Variants in KLF16 observed in about 807,000 individuals in gnomAD.
The protein encoded by KLF16 is Krueppel-like factor 16.
KLF16 carries 6 observed loss-of-function variants against 6.1 expected under a neutral mutation model. The observed-to-expected ratio is 0.98, with a 90% CI of 0.54 to 1.93. KLF16 has a LOEUF of 1.93. Ranked by LOEUF, KLF16 falls within the 30% of genes most tolerant of loss-of-function variation. The probability of loss-of-function intolerance (pLI) is 0.01; values close to 1 mark genes in which losing one functional copy is unlikely to be tolerated. For synonymous variants in KLF16, 211 were observed against 176.5 expected (o/e 1.20, Z -1.55); for missense variants, 355 against 363.8 (o/e 0.98, Z 0.20).
rs935773280 is a variant in KLF16 at position 1,863,388 on chromosome 19, G to A, written c.110C>T (p.Pro37Leu). 1.0e-6 allele frequency: 1 copy of A among 985,200 alleles called. No homozygotes were observed. Among genetic ancestry groups the A allele is most frequent in the Non-Finnish European group, 1.2e-6 (1 of 831,916 alleles). The allele number at this position is 985,200 out of a possible 1,614,324, so 61.0% of individuals were successfully genotyped here. Residue 37 changes from proline to leucine, a missense_variant, in exon 1 of 2, where the codon CCC becomes CTC. Pro to Leu is a moderately conservative substitution (Grantham distance 98). Coordinates refer to ENST00000250916, the MANE Select transcript of KLF16 (RefSeq NM_031918.4). ...CGCGCGCACATCCAGGCCGGCGGCG[G>A]GGCCCGCGCCCTCGGGGCCGGGCCG... ...RGRPGPEGAGPAAGLDVRAAR... is the reference protein window; with the variant it reads ...RGRPGPEGAGLAAGLDVRAAR...
At chr19:1,873,918 C>T in the KLF16 span, among the ~76,000 whole-genome samples, 1 of 152,210 alleles carries the variant, frequency 6.6e-6, no homozygotes, top group Non-Finnish European at 1.5e-5. Context: ...GGAGCCCTGC[C>T]GAAGCCTCGG....
At chr19:1,868,466 T>A (rs1463615545), upstream of KLF16, among the ~76,000 whole-genome samples, 16 of 9,444 alleles carry the variant, frequency 1.7e-3, no homozygotes, top group African/African-American at 8.1e-3. Context: ...TAGGGCTTTT[T>A]TTTTTTTTTT....
chr19:1,870,919 C>G, the KLF16 span, among the ~76,000 whole-genome samples: 2 of 152,220 alleles, frequency 1.3e-5, no homozygotes, highest in Non-Finnish European at 2.9e-5. Flanking sequence ...TCACTTGAAC[C>G]CAGGAGGTGG....
upstream of KLF16, among the ~76,000 whole-genome samples, chr19:1,866,758 A>C (rs1050465661): frequency 1.4e-5 from 2 of 142,566 alleles, no homozygotes; most frequent in South Asian, 2.3e-4. Flanking sequence ...CCTGGGTGAC[A>C]GAGTGGGACC....
chr19:1,867,653 G>C (rs1169338056), upstream of KLF16, among the ~76,000 whole-genome samples: 1 of 152,092 alleles, frequency 6.6e-6, no homozygotes, highest in African/African-American at 2.4e-5. Flanking sequence ...ATCACCTGAG[G>C]TCAGGAGTTC....
the KLF16 span, among the ~76,000 whole-genome samples, chr19:1,874,567 G>T: frequency 1.3e-5 from 2 of 151,528 alleles, no homozygotes; most frequent in Non-Finnish European, 2.9e-5. Context: ...AGATATTCCT[G>T]AGATGACACA....
chr19:1,868,481 T>G (rs1215533150), upstream of KLF16, among the ~76,000 whole-genome samples: 10 of 58,044 alleles, frequency 1.7e-4, no homozygotes, highest in African/African-American at 3.7e-4. Flanking sequence ...TTTTTTTTTT[T>G]TTTTTTTTTT....
chr19:1,863,607 G>A (rs1183307145), upstream of KLF16: 20 of 355,362 alleles, frequency 5.6e-5, no homozygotes, highest in Non-Finnish European at 1.2e-5. Flanking sequence ...AGGAGGAGGA[G>A]GCCCGGCGCG....
chr19:1,864,716 G>A (rs531328478), upstream of KLF16, among the ~76,000 whole-genome samples: 2 of 152,294 alleles, frequency 1.3e-5, no homozygotes, highest in South Asian at 2.1e-4. Flanking sequence ...CCAGGTATTC[G>A]GGCCTCCCGG....
the KLF16 span, among the ~76,000 whole-genome samples, chr19:1,870,686 AAG>A: frequency 6.6e-6 from 1 of 152,178 alleles, no homozygotes; most frequent in East Asian, 1.9e-4. Context: ...AAAAAAAAGA[AAG>A]AAAAAAAGAA....
rs1456639591 is a variant in KLF16, at chr19:1,857,495, C to G, written c.458-2735G>C. Reference sequence around the variant, plus strand: ...TGGGCCCGGGTGAGCTCAGGACAGCCTCGGAAACAGGCAGGCTCAGAAAAA... The same window carrying G: ...TGGGCCCGGGTGAGCTCAGGACAGCGTCGGAAACAGGCAGGCTCAGAAAAA... On this transcript the variant is annotated intron_variant, in intron 1 of 1. Coordinates refer to ENST00000250916, the MANE Select transcript of KLF16 (RefSeq NM_031918.4). This position sits in a 1 kb window ranked among gnomAD's most constrained non-coding sequence, Gnocchi z 4.7. Among the ~76,000 whole-genome samples the G allele has an allele frequency of 6.6e-6, 1 of 152,178 alleles. No homozygotes were observed. Among genetic ancestry groups the G allele is most frequent in the Non-Finnish European group, 1.5e-5 (1 of 68,014 alleles).
chr19:1,858,727 G>A (rs759730390), intron 1 of KLF16, among the ~76,000 whole-genome samples: 1 of 152,042 alleles, frequency 6.6e-6, no homozygotes, highest in Non-Finnish European at 1.5e-5. Flanking sequence ...CCCACCTGAG[G>A]CCCAACCCAG....
At chr19:1,872,610 G>A in the KLF16 span, among the ~76,000 whole-genome samples, 1 of 152,226 alleles carries the variant, frequency 6.6e-6, no homozygotes, top group African/African-American at 2.4e-5. Context: ...TGGGTGCTGG[G>A]GAGAGAATAG....
the KLF16 span, among the ~76,000 whole-genome samples, chr19:1,870,520 T>C: frequency 6.6e-6 from 1 of 151,620 alleles, no homozygotes; most frequent in Non-Finnish European, 1.5e-5. Context: ...CAAAATACAA[T>C]TAGCCAAGTG....
At chr19:1,874,139 G>C in the KLF16 span, among the ~76,000 whole-genome samples, 1 of 152,182 alleles carries the variant, frequency 6.6e-6, no homozygotes, top group South Asian at 2.1e-4. Flanking sequence ...ATCTCAGTTT[G>C]ATCTGTAAAT....
chr19:1,874,592 G>A, the KLF16 span, among the ~76,000 whole-genome samples: 1 of 151,242 alleles, frequency 6.6e-6, no homozygotes, highest in Non-Finnish European at 1.5e-5. Flanking sequence ...TGCAGGAGCC[G>A]TAAAGAGAAA....
chr19:1,859,687 C>A (rs1200088024), intron 1 of KLF16, among the ~76,000 whole-genome samples: 1 of 152,146 alleles, frequency 6.6e-6, no homozygotes, highest in African/African-American at 2.4e-5. Context: ...TCACTAGCAT[C>A]CCTGTTGCCA....
chr19:1,871,405 A>AT, the KLF16 span, among the ~76,000 whole-genome samples: 2 of 152,200 alleles, frequency 1.3e-5, no homozygotes, highest in Admixed American at 6.5e-5. Flanking sequence ...TGTGCCACCC[A>AT]TTTGAGTATC....
At chr19:1,856,086 G>A (rs62127707) in intron 1 of KLF16, among the ~76,000 whole-genome samples, 2,765 of 152,348 alleles carry the variant, frequency 0.018, 33 homozygotes, top group Non-Finnish European at 0.028. Flanking sequence ...ACTGGAGGTT[G>A]CTCTGGCCCT....
Sources: gnomAD v4.1 joint callset for allele counts (sites outside exome capture counted in the v4.1 genomes callset) on GRCh38, gnomAD v4.1.1 for gene constraint, Gnocchi (gnomAD v3.1) non-coding constraint, MANE v1.5 for transcripts, NCBI Gene and HGNC (gene_info 2026-07-23, HGNC 2026-07-21) for gene names.